The following TMEM134 variants were observed in gnomAD, a reference collection of about 807,000 sequenced individuals.
TMEM134 encodes the protein transmembrane protein 134.
TMEM134 carries 36 observed loss-of-function variants against 26.2 expected under a neutral mutation model. That is an observed-to-expected ratio of 1.37 (90% CI 1.05 to 1.81). TMEM134 has a LOEUF of 1.81. Ranked by LOEUF, TMEM134 falls within the 40% of genes most tolerant of loss-of-function variation. The pLI is 0.00. For missense variants in TMEM134, 339 were observed against 263.5 expected (o/e 1.29, Z -1.98); for synonymous variants, 133 against 113.6 (o/e 1.17, Z -1.08).
Position 67,467,018 on chromosome 11 carries a change from C to G in TMEM134, c.406+294G>C. The G allele has an allele frequency of 6.2e-6, 3 of 481,006 alleles. No homozygotes were observed. The South Asian group carries it at 6.9e-5, about 11-fold the overall frequency. 29.8% of individuals were successfully genotyped at this position (481,006 alleles called of 1,614,324 possible). A position where few individuals can be genotyped will look rare whatever the true frequency, so the allele number is the denominator to read the frequency against. On this transcript the variant is annotated intron_variant, in intron 4 of 6. Coordinates refer to ENST00000308022, the MANE Select transcript of TMEM134 (RefSeq NM_025124.4). Reference sequence around the variant, plus strand: ...AGAGTAGACACAGAATAAATGGTAGCTGCTACTCTTCTGTCCTCTAATGGA... The same window carrying G: ...AGAGTAGACACAGAATAAATGGTAGGTGCTACTCTTCTGTCCTCTAATGGA...
At chr11:67,465,141 T>C in intron 4 of TMEM134, 41 bp from the exon 5 acceptor site, 4 of 1,546,648 alleles carry the variant, frequency 2.6e-6, no homozygotes, top group Non-Finnish European at 3.5e-6. Context: ...GCAGGAGCAG[T>C]GGTGAGGGCG....
At position 67,469,142 on chromosome 11, in the gene TMEM134, G is replaced by A. The variant is rs1865498636; in HGVS notation, c.51C>T (p.Ser17=). Residue 17 remains serine, a synonymous_variant, in exon 1 of 7, where the codon TCC becomes TCT. Coordinates refer to ENST00000308022, the MANE Select transcript of TMEM134 (RefSeq NM_025124.4). ...QFSIDDAFEL[S]LEDGGPGPES... is the part of the protein sequence containing the mutation. ...CGGGCCCAGGGCCCCCGTCCTCCAG[G>A]GACAGCTCGAAGGCATCATCAATGC... 4.7e-6 allele frequency: 7 copies of A among 1,483,648 alleles called. No homozygotes were observed. In the South Asian group the frequency reaches 8.9e-5, roughly 19 times the overall value. The allele number at this position is 1,483,648 out of a possible 1,614,324, so 91.9% of individuals were successfully genotyped here. A position where few individuals can be genotyped will look rare whatever the true frequency, so the allele number is the denominator to read the frequency against.
intron 5 of TMEM134, 38 bp downstream of exon 5, chr11:67,465,016 AGG>A: frequency 6.6e-7 from 1 of 1,510,026 alleles, no homozygotes. Flanking sequence ...GACACAAGAC[AGG>A]GGTGTCCTCT....
intron 4 of TMEM134, 102 bp from the exon 5 acceptor site, chr11:67,465,202 C>A: frequency 6.5e-7 from 1 of 1,533,144 alleles, no homozygotes; most frequent in Non-Finnish European, 8.7e-7. Context: ...TGAAGGTGCC[C>A]TAGGCAGAGA....
intron 4 of TMEM134, 62 bp from the exon 5 acceptor site, chr11:67,465,162 C>G (rs1439695716): frequency 2.0e-6 from 3 of 1,533,970 alleles, no homozygotes; most frequent in African/African-American, 2.7e-5. Flanking sequence ...GGGGCTCCCA[C>G]CCCCAGCCCG....
intron 3 of TMEM134, 29 bp downstream of exon 3, chr11:67,467,472 C>T (rs373079182): frequency 3.8e-5 from 61 of 1,612,842 alleles, no homozygotes; most frequent in South Asian, 9.9e-5. Context: ...CAGGGCTGCT[C>T]GGCTGGGGGC....
Position 67,469,118 on chromosome 11 carries a change from G to C in TMEM134, c.75C>G (p.Pro25=). Residue 25 remains proline (P), a synonymous_variant, in exon 1 of 7, where the codon CCC becomes CCG. Transcript: ENST00000308022. ...CAAAGCGCGCGACCCCGCTGGACTC[G>C]GGCCCAGGGCCCCCGTCCTCCAGGG... ...ELSLEDGGPG[P]ESSGVARFGP... 1 of 1,502,694 alleles carries C rather than the reference G, an allele frequency of 6.7e-7. No homozygotes were observed. Among genetic ancestry groups the C allele is most frequent in the Middle Eastern group, 1.7e-4 (1 of 5,824 alleles). The allele number at this position is 1,502,694 out of a possible 1,614,324, so 93.1% of individuals were successfully genotyped here. A position where few individuals can be genotyped will look rare whatever the true frequency, so the allele number is the denominator to read the frequency against.
chr11:67,464,766 C>T, intron 6 of TMEM134, 37 bp downstream of exon 6: 1 of 1,556,968 alleles, frequency 6.4e-7, no homozygotes, highest in Non-Finnish European at 8.7e-7. Context: ...TGCCGCCCCA[C>T]AGCCCCCGCC....
Position 67,464,182 on chromosome 11 carries a change from A to G in TMEM134, c.*432T>C, listed in dbSNP as rs1382162700. On this transcript the variant is annotated 3_prime_UTR_variant, in exon 7 of 7. Transcript: ENST00000308022. ...CTGGCAAGGCAGGAGTCCTACGCCC[A>G]GCTCTGCCCCTAACATGCCCCGTGC... The G allele has an allele frequency of 4.3e-6, 1 of 232,902 alleles. No homozygotes were observed. The highest frequency in any genetic ancestry group is 2.4e-5 in the African/African-American group (1 of 42,334). 14.4% of individuals were successfully genotyped at this position (232,902 alleles called of 1,614,324 possible).
At chr11:67,464,948 C>T in intron 5 of TMEM134, 92 bp from the exon 6 acceptor site, 1 of 1,550,718 alleles carries the variant, frequency 6.4e-7, no homozygotes, top group Non-Finnish European at 8.8e-7. Flanking sequence ...AGCCTCACTC[C>T]CAGCTGAAAA....
rs890003216 is a variant in TMEM134, at chr11:67,467,400, G to A, written c.330-12C>T. 3 of 1,613,762 alleles carry A rather than the reference G, an allele frequency of 1.9e-6. No individual in the cohort carries two copies. The highest frequency in any genetic ancestry group is 1.1e-5 in the South Asian group (1 of 91,070). On this transcript the variant is annotated splice_polypyrimidine_tract_variant and intron_variant, in intron 3 of 6. Coordinates refer to ENST00000308022, the MANE Select transcript of TMEM134 (RefSeq NM_025124.4). ...GGTGTTGGGTCCAGCTGGGTGGCAGGAGAGCAGGGTGAATGTGAAGGAGGT... is the reference window on the plus strand; with the variant it reads ...GGTGTTGGGTCCAGCTGGGTGGCAGAAGAGCAGGGTGAATGTGAAGGAGGT...
intron 6 of TMEM134, 41 bp from the exon 7 acceptor site, chr11:67,464,737 C>T (rs750737170): frequency 1.2e-5 from 19 of 1,548,972 alleles, no homozygotes; most frequent in East Asian, 2.4e-5. Flanking sequence ...CCCGCCCCTC[C>T]CCGCAACACC....
chr11:67,465,280 T>C, intron 4 of TMEM134, 180 bp from the exon 5 acceptor site: 4 of 1,429,854 alleles, frequency 2.8e-6, no homozygotes, highest in Non-Finnish European at 3.7e-6. Context: ...GGGAAGTGTG[T>C]GAAAGGAGAG....
Position 67,464,570 on chromosome 11 carries a change from G to C in TMEM134, c.*44C>G, listed in dbSNP as rs574680500. ...AGATGAGGGGAACGGAACAGGGCAA[G>C]AGGGGCGCCCCCATGGGCGCAAGGG... On this transcript the variant is annotated 3_prime_UTR_variant, in exon 7 of 7. Coordinates refer to ENST00000308022, the MANE Select transcript of TMEM134 (RefSeq NM_025124.4). 22 of 1,536,846 alleles carry C rather than the reference G, an allele frequency of 1.4e-5. No individual in the cohort carries two copies. The East Asian group carries it at 1.7e-4, about 12-fold the overall frequency.
At position 67,465,060 on chromosome 11, in the gene TMEM134, A is replaced by G; in HGVS notation, c.447T>C (p.Ser149=). Residue 149 remains serine, a synonymous_variant, in exon 5 of 7, where the codon TCT becomes TCC. Transcript: ENST00000308022. ...GGGGGCGGGAGGGTCGCTCACCTGG[A>G]GAGGGGGTCGCCTCCAGTCCCACGC... ...LVGVGLEATP[S]PGVSSAIFFV... is the part of the protein sequence containing the mutation. 9 of 1,582,584 alleles carry G rather than the reference A, an allele frequency of 5.7e-6. No homozygotes were observed. The highest frequency in any genetic ancestry group is 7.7e-6 in the Non-Finnish European group (9 of 1,168,542).
Position 67,467,488 on chromosome 11 carries a change from C to T in TMEM134, c.329+13G>A, listed in dbSNP as rs774971448. ...AGGGCTGCTCGGCTGGGGGCTTAGG[C>T]GGGCAGGCTCACCTGCAGCAGGTGT... On this transcript the variant is annotated intron_variant, in intron 3 of 6. Transcript: ENST00000308022. 6.2e-6 allele frequency: 10 copies of T among 1,613,542 alleles called. No homozygotes were observed. Among genetic ancestry groups the T allele is most frequent in the South Asian group, 3.3e-5 (3 of 91,066 alleles).
In TMEM134 at chr11:67,464,502, T is replaced by C. The variant is rs1865110868; in HGVS notation, c.*112A>G. ...CCCCGAACTTCCTGAGCAAACTCCC[T>C]AGGGGCTGGGGTTTCGAGGGTCCTG... On this transcript the variant is annotated 3_prime_UTR_variant, in exon 7 of 7. Transcript: ENST00000308022. 3.4e-6 allele frequency: 4 copies of C among 1,172,350 alleles called. No homozygotes were observed. The highest frequency in any genetic ancestry group is 4.9e-6 in the Non-Finnish European group (4 of 810,608). 72.6% of individuals were successfully genotyped at this position (1,172,350 alleles called of 1,614,324 possible). A position where few individuals can be genotyped will look rare whatever the true frequency, so the allele number is the denominator to read the frequency against.
Position 67,469,223 on chromosome 11 carries a change from C to T in TMEM134, c.-31G>A, listed in dbSNP as rs769725943. 57 of 1,254,302 alleles carry T rather than the reference C, an allele frequency of 4.5e-5. No homozygotes were observed. The highest frequency in any genetic ancestry group is 3.7e-4 in the South Asian group (12 of 32,786). 77.7% of individuals were successfully genotyped at this position (1,254,302 alleles called of 1,614,324 possible). ...CGGCCCGCTCAGGCGCCGTGCGCCG[C>T]CGCCATCTGCGCCCACACACCCAGC... On this transcript the variant is annotated 5_prime_UTR_variant, in exon 1 of 7. Coordinates refer to ENST00000308022, the MANE Select transcript of TMEM134 (RefSeq NM_025124.4).
Position 67,464,845 on chromosome 11 carries a change from C to A in TMEM134, c.463G>T (p.Ala155Ser), listed in dbSNP as rs1480554610. The change falls in exon 6 of 7, where the codon GCC becomes TCC. Residue 155 changes from alanine (A) to serine (S), a missense_variant. Ala to Ser is a moderately conservative substitution (Grantham distance 99). Coordinates refer to ENST00000308022, the MANE Select transcript of TMEM134 (RefSeq NM_025124.4). Reference sequence around the variant, plus strand: ...AGGAAGCCCGGCACGAAGAAGATGGCGCTGGAGACACCTGCGGGAGGGACC... The same window carrying A: ...AGGAAGCCCGGCACGAAGAAGATGGAGCTGGAGACACCTGCGGGAGGGACC... ...EATPSPGVSS[A>S]IFFVPGFLLL... 3 of 1,610,422 alleles carry A rather than the reference C, an allele frequency of 1.9e-6. No individual in the cohort carries two copies. The Admixed American group carries it at 5.0e-5, about 27-fold the overall frequency.
Sources: gnomAD v4.1 joint callset for allele counts on GRCh38, gnomAD v4.1.1 for gene constraint, MANE v1.5 for transcripts, NCBI Gene and HGNC (gene_info 2026-07-23, HGNC 2026-07-21) for gene names.